The following VAV2 variants were observed in gnomAD, a reference collection of about 807,000 sequenced individuals.
VAV2 encodes guanine nucleotide exchange factor VAV2.
VAV2 carries 67 observed loss-of-function variants against 132.5 expected under a neutral mutation model. The ratio of observed to expected loss-of-function variants is 0.51; its 90% confidence interval spans 0.42 to 0.62. VAV2 has a LOEUF of 0.62. VAV2 is among the 20% of genes least tolerant of loss of function. The pLI is 0.00. For synonymous variants in VAV2, 492 were observed against 443.5 expected (o/e 1.11, Z -1.37); for missense variants, 938 against 1,153.6 (o/e 0.81, Z 2.71).
At chr9:133,872,500 C>T (rs567940942) in intron 2 of VAV2, among the ~76,000 whole-genome samples, 1 of 152,242 alleles carries the variant, frequency 6.6e-6, no homozygotes, top group Non-Finnish European at 1.5e-5. Flanking sequence ...GGGGCACAGC[C>T]TCTCCTCGGC....
chr9:133,771,708 C>T (rs1377707403), intron 26 of VAV2, among the ~76,000 whole-genome samples: 1 of 152,174 alleles, frequency 6.6e-6, no homozygotes, highest in Middle Eastern at 3.2e-3. Flanking sequence ...CCTGGGCTGC[C>T]CCTACCCCAC....
intron 2 of VAV2, among the ~76,000 whole-genome samples, chr9:133,895,212 T>C (rs1006823434): frequency 1.3e-5 from 2 of 151,702 alleles, no homozygotes; most frequent in African/African-American, 4.8e-5. Context: ...CTGGGCTCTA[T>C]GGAGATCTCT....
chr9:133,820,323 C>CTTTT (rs1410223095), intron 4 of VAV2, among the ~76,000 whole-genome samples: 4 of 149,082 alleles, frequency 2.7e-5, no homozygotes, highest in African/African-American at 7.6e-5. Flanking sequence ...GTTTCTTTTT[C>CTTTT]TTTTTCTTTT....
intron 2 of VAV2, among the ~76,000 whole-genome samples, chr9:133,914,746 G>GA (rs1840004292): frequency 7.8e-4 from 3 of 3,844 alleles, no homozygotes; most frequent in South Asian, 0.01. Flanking sequence ...AGAGGGAAGG[G>GA]GAGGGGAGAG....
Position 133,784,074 on chromosome 9 carries a change from T to A in VAV2, c.1634+243A>T, listed in dbSNP as rs922853759. 3.3e-5 allele frequency among the ~76,000 whole-genome samples: 5 copies of A among 152,074 alleles called. 1 individual carries two copies. The highest frequency in any genetic ancestry group is 1.5e-5 in the Non-Finnish European group (1 of 67,996). On this transcript the variant is annotated intron_variant, in intron 18 of 29. Transcript: ENST00000371850. ...TTTGGTATTTTTTGTACAGACAGAG[T>A]TTTGCCACGTTGCCAGGCTGGTCCT...
chr9:133,801,072 C>A (rs902113153), intron 9 of VAV2, among the ~76,000 whole-genome samples: 1 of 152,236 alleles, frequency 6.6e-6, no homozygotes, highest in Non-Finnish European at 1.5e-5. Context: ...CATCCCCATA[C>A]CCCAGCACCC....
chr9:133,977,144 G>A (rs1442676055), intron 1 of VAV2, among the ~76,000 whole-genome samples: 1 of 152,218 alleles, frequency 6.6e-6, no homozygotes. Context: ...GCTCTGGAAT[G>A]AAAACAAATA....
intron 1 of VAV2, among the ~76,000 whole-genome samples, chr9:133,949,688 G>A (rs932940498): frequency 2.0e-5 from 3 of 152,154 alleles, no homozygotes; most frequent in Non-Finnish European, 4.4e-5. Context: ...TCCAAAACAG[G>A]GCCCCGGAGG....
intron 4 of VAV2, among the ~76,000 whole-genome samples, chr9:133,825,226 GT>G (rs1258471335): frequency 1.3e-5 from 2 of 152,040 alleles, no homozygotes; most frequent in African/African-American, 4.8e-5. Context: ...AGGCCTTTCT[GT>G]CCCGGCCATC....
chr9:133,914,993 G>A (rs1459752485), intron 2 of VAV2, among the ~76,000 whole-genome samples: 1 of 152,090 alleles, frequency 6.6e-6, no homozygotes, highest in Admixed American at 6.5e-5. Context: ...AGCTCGCACG[G>A]GGGGAAGGAC....
At chr9:133,944,686 C>A (rs1365131944) in intron 1 of VAV2, among the ~76,000 whole-genome samples, 1 of 152,222 alleles carries the variant, frequency 6.6e-6, no homozygotes, top group East Asian at 1.9e-4. Context: ...GGGCAGCAGG[C>A]CCCCGCCTAA....
chr9:133,891,731 AGAGGAGGCATGGAGGAGAGG>A (rs1838972444), intron 2 of VAV2, among the ~76,000 whole-genome samples: 1 of 40,942 alleles, frequency 2.4e-5, no homozygotes, highest in Non-Finnish European at 4.8e-5. Context: ...GGAGGGATGG[AGAGGAGGCATGGAGGAGAGG>A]CAGGGAGGGG....
chr9:133,809,240 C>T, intron 6 of VAV2, 102 bp from the exon 7 acceptor site: 1 of 1,054,798 alleles, frequency 9.5e-7, no homozygotes, highest in South Asian at 1.5e-5. Flanking sequence ...AAAGAGGACT[C>T]CTTGGGTTTG....
chr9:133,912,564 G>T lies in VAV2; in HGVS notation c.321+26539C>A, dbSNP rs1361343764. Among the ~76,000 whole-genome samples the T allele has an allele frequency of 6.6e-6, 1 of 152,100 alleles. No homozygotes were observed. Among genetic ancestry groups the T allele is most frequent in the East Asian group, 1.9e-4 (1 of 5,184 alleles). On this transcript the variant is annotated intron_variant, in intron 2 of 29. Transcript: ENST00000371850. The surrounding 1 kb of genome is among the most constrained non-coding windows in gnomAD (Gnocchi z 4.3). ...TGGGGGTGGGGGCACACGGGGAGAG[G>T]TTCCTGCACCCTAACGTGTTGCTTC...
rs1312645918 is a variant in VAV2 at position 133,834,252 on chromosome 9, C to G, written c.449+20G>C. The stretch of plus-strand genomic sequence containing the variant: ...TGCCCCTCCCTCCTCTCCATCCCTC[C>G]TCCCATCCCCCCGCCTTACTCGGCC... On this transcript the variant is annotated intron_variant, in intron 4 of 29. Transcript: ENST00000371850. This position sits in a 1 kb window ranked among gnomAD's most constrained non-coding sequence, Gnocchi z 5.9. 6.2e-7 allele frequency: 1 copy of G among 1,602,000 alleles called. No individual in the cohort carries two copies. The highest frequency in any genetic ancestry group is 1.7e-5 in the Admixed American group (1 of 58,806).
intron 3 of VAV2, among the ~76,000 whole-genome samples, chr9:133,856,768 C>T (rs1242207620): frequency 6.6e-6 from 1 of 152,228 alleles, no homozygotes; most frequent in Non-Finnish European, 1.5e-5. Context: ...AAGCTGCCTG[C>T]ATTCCTGGGC....
chr9:133,908,996 G>A (rs1209791904), intron 2 of VAV2, among the ~76,000 whole-genome samples: 1 of 152,258 alleles, frequency 6.6e-6, no homozygotes, highest in Non-Finnish European at 1.5e-5. Context: ...CACGAGGAAT[G>A]ATTGGGAATG....
intron 4 of VAV2, among the ~76,000 whole-genome samples, chr9:133,817,423 T>C (rs7020737): frequency 0.18 from 26,969 of 151,918 alleles, 2,590 homozygotes; most frequent in African/African-American, 0.24. Flanking sequence ...GAGGCCGAGG[T>C]GGGTGGATCA....
intron 1 of VAV2, among the ~76,000 whole-genome samples, chr9:133,977,524 G>A (rs77221761): frequency 1.3e-5 from 2 of 152,322 alleles, no homozygotes; most frequent in African/African-American, 4.8e-5. Flanking sequence ...CCGGGGACAC[G>A]TGGCAATGGC....
Sources: allele counts gnomAD v4.1 joint callset (sites outside exome capture counted in the v4.1 genomes callset), GRCh38; gene constraint gnomAD v4.1.1; non-coding constraint Gnocchi (gnomAD v3.1); transcripts MANE v1.5; gene names NCBI Gene and HGNC (gene_info 2026-07-23, HGNC 2026-07-21).